MBNL1: variants seen among roughly 807,000 people sequenced by gnomAD.
The protein encoded by MBNL1 is muscleblind like splicing regulator 1, also known as muscleblind-like protein 1.
Under a neutral mutation model 42.2 loss-of-function variants are expected in MBNL1, and 8 were observed. That is an observed-to-expected ratio of 0.19 (90% CI 0.11 to 0.34). The LOEUF is 0.34. Among genes scored for constraint, MBNL1 ranks in the 10% least tolerant of loss-of-function variants. The pLI, the probability that MBNL1 is intolerant of heterozygous loss-of-function variation, is 1.00. For synonymous variants in MBNL1, 169 were observed against 173.9 expected, an observed-to-expected ratio of 0.97 and a Z score of 0.22; for missense variants, 309 against 495.3, an observed-to-expected ratio of 0.62 and a Z score of 3.57.
At chr3:152,309,001 G>A (rs2064828376) in intron 2 of MBNL1, among the ~76,000 whole-genome samples, 1 of 152,138 alleles carries the variant, frequency 6.6e-6, no homozygotes, top group Admixed American at 6.5e-5. Context: ...CAAGGAGCCG[G>A]TTACTAACAG....
chr3:152,424,593 A>G (rs1459244155), intron 3 of MBNL1, among the ~76,000 whole-genome samples: 1 of 152,134 alleles, frequency 6.6e-6, no homozygotes, highest in African/African-American at 2.4e-5. Context: ...TAAATTTCAT[A>G]TGGAACCAAA....
chr3:152,286,329 ATTATATTTTATTTATAATATAAATAT>A (rs1280601109), intron 1 of MBNL1, among the ~76,000 whole-genome samples: 6 of 141,786 alleles, frequency 4.2e-5, no homozygotes, highest in South Asian at 2.2e-4. Flanking sequence ...CAAATATTTA[ATTATATTTTATTTATAATATAAATAT>A]TTATATTTTA....
At chr3:152,359,372 A>G (rs1302458847) in intron 2 of MBNL1, among the ~76,000 whole-genome samples, 1 of 152,170 alleles carries the variant, frequency 6.6e-6, no homozygotes. Context: ...TTATCACACA[A>G]TTCTTAGTTG....
At chr3:152,300,390 T>G in intron 2 of MBNL1, 23 bp downstream of exon 2, 1 of 1,589,120 alleles carries the variant, frequency 6.3e-7, no homozygotes. Context: ...TATATTCTTT[T>G]AAGGATATTC....
intron 2 of MBNL1, among the ~76,000 whole-genome samples, chr3:152,375,364 G>C (rs1260256957): frequency 1.3e-5 from 2 of 152,168 alleles, no homozygotes; most frequent in East Asian, 1.9e-4. Flanking sequence ...AGTTAGTTTA[G>C]ATAAACACCA....
intron 1 of MBNL1, among the ~76,000 whole-genome samples, chr3:152,287,771 T>C (rs1290012779): frequency 6.6e-6 from 1 of 152,236 alleles, no homozygotes; most frequent in East Asian, 1.9e-4. Flanking sequence ...TGGTCATTAC[T>C]TTTTAAGAGC....
intron 2 of MBNL1, among the ~76,000 whole-genome samples, chr3:152,377,582 T>A (rs7619041): frequency 0.49 from 74,653 of 152,094 alleles, 18,705 homozygotes; most frequent in Middle Eastern, 0.61. Context: ...AAGAAATGTT[T>A]GTTGTCATTA....
At chr3:152,404,002 C>G (rs754331686) in intron 2 of MBNL1, among the ~76,000 whole-genome samples, 1 of 152,140 alleles carries the variant, frequency 6.6e-6, no homozygotes, top group Admixed American at 6.5e-5. Context: ...TGGTGAGAAC[C>G]TTTATTGCCT....
At chr3:152,438,756 TTCA>T in intron 4 of MBNL1, among the ~76,000 whole-genome samples, 1 of 152,368 alleles carries the variant, frequency 6.6e-6, no homozygotes, top group South Asian at 2.1e-4. Flanking sequence ...CTTCAACTTT[TTCA>T]TCGTTTACTT....
chr3:152,359,197 A>G (rs937877509), intron 2 of MBNL1, among the ~76,000 whole-genome samples: 2 of 152,364 alleles, frequency 1.3e-5, no homozygotes, highest in African/African-American at 2.4e-5. Context: ...AGAAGAAACT[A>G]TATGTATTTT....
intron 2 of MBNL1, among the ~76,000 whole-genome samples, chr3:152,383,265 A>T (rs2097261220): frequency 6.6e-6 from 1 of 152,070 alleles, no homozygotes; most frequent in Non-Finnish European, 1.5e-5. Context: ...TGGGATTCTT[A>T]CAAAGTCCAC....
chr3:152,416,319 G>GT (rs1260665785), intron 3 of MBNL1, among the ~76,000 whole-genome samples: 1 of 152,084 alleles, frequency 6.6e-6, no homozygotes, highest in Non-Finnish European at 1.5e-5. Flanking sequence ...ACCTGATCTG[G>GT]TTTTTTCCCC....
chr3:152,371,538 G>A (rs193110586), intron 2 of MBNL1, among the ~76,000 whole-genome samples: 2 of 152,304 alleles, frequency 1.3e-5, no homozygotes, highest in East Asian at 3.9e-4. Context: ...TCAGGTTGCG[G>A]TGAGCCGAGA....
chr3:152,323,883 C>A (rs1286518965), intron 2 of MBNL1, among the ~76,000 whole-genome samples: 1 of 152,128 alleles, frequency 6.6e-6, no homozygotes, highest in Non-Finnish European at 1.5e-5. Flanking sequence ...GTGAAAAAAT[C>A]TAGTTCTATG....
At chr3:152,295,474 C>T (rs2058168028) in intron 1 of MBNL1, among the ~76,000 whole-genome samples, 1 of 152,130 alleles carries the variant, frequency 6.6e-6, no homozygotes, top group Non-Finnish European at 1.5e-5. Context: ...GGACCACATC[C>T]TCCCATACAT....
At chr3:152,330,929 C>G (rs1410055844) in intron 2 of MBNL1, among the ~76,000 whole-genome samples, 1 of 152,108 alleles carries the variant, frequency 6.6e-6, no homozygotes, top group African/African-American at 2.4e-5. Flanking sequence ...GGATTATCTA[C>G]TATATACAGT....
chr3:152,285,854 G>T (rs2051358189), intron 1 of MBNL1, among the ~76,000 whole-genome samples: 1 of 151,584 alleles, frequency 6.6e-6, no homozygotes, highest in African/African-American at 2.4e-5. Flanking sequence ...GAACTCTTGG[G>T]CTCAAGCAGT....
chr3:152,405,862 A>G (rs890774706), intron 2 of MBNL1, among the ~76,000 whole-genome samples: 13 of 152,224 alleles, frequency 8.5e-5, no homozygotes, highest in African/African-American at 2.7e-4. Context: ...CTATTAGCCA[A>G]GATTGAAAAG....
chr3:152,392,979 G>A (rs921512087), intron 2 of MBNL1, among the ~76,000 whole-genome samples: 5 of 152,098 alleles, frequency 3.3e-5, no homozygotes, highest in African/African-American at 7.2e-5. Flanking sequence ...AATTTGTTGC[G>A]TTGGATCCTA....
Sources: gnomAD v4.1 joint callset for allele counts (sites outside exome capture counted in the v4.1 genomes callset) on GRCh38, gnomAD v4.1.1 for gene constraint, MANE v1.5 for transcripts, NCBI Gene and HGNC (gene_info 2026-07-23, HGNC 2026-07-21) for gene names.